TENM3: variants seen among roughly 807,000 people sequenced by gnomAD.
TENM3 encodes teneurin-3.
In TENM3, 63 loss-of-function variants were observed where a neutral mutation model predicts 255.1. The observed-to-expected ratio is 0.25, with a 90% CI of 0.20 to 0.30. TENM3 has a LOEUF of 0.30. Among genes scored for constraint, TENM3 ranks in the 10% least tolerant of loss-of-function variants. The probability of loss-of-function intolerance (pLI) is 1.00; values close to 1 mark genes in which losing one functional copy is unlikely to be tolerated. For synonymous variants in TENM3, 1,306 were observed against 1,322.3 expected, an observed-to-expected ratio of 0.99 and a Z score of 0.27; for missense variants, 2,929 against 3,461.1, an observed-to-expected ratio of 0.85 and a Z score of 3.86.
intron 12 of TENM3, among the ~76,000 whole-genome samples, chr4:182,700,063 G>A (rs1757731695): frequency 6.6e-6 from 1 of 152,180 alleles, no homozygotes; most frequent in African/African-American, 2.4e-5. Flanking sequence ...CAGCAAGGAA[G>A]AGAAAGATTC....
the TENM3 span, among the ~76,000 whole-genome samples, chr4:181,827,121 A>C: frequency 3.2e-4 from 49 of 152,248 alleles, no homozygotes; most frequent in Non-Finnish European, 6.3e-4. Flanking sequence ...AAAACAAACA[A>C]GGTCATGTAC....
At chr4:182,204,777 A>G (rs1754438641) in intron 1 of TENM3, among the ~76,000 whole-genome samples, 1 of 152,222 alleles carries the variant, frequency 6.6e-6, no homozygotes, top group Non-Finnish European at 1.5e-5. Flanking sequence ...ATGAAATGCA[A>G]ATTTAAAAAA....
At chr4:181,655,735 G>C in the TENM3 span, among the ~76,000 whole-genome samples, 102,467 of 151,984 alleles carry the variant, frequency 0.67, 35,473 homozygotes, top group East Asian at 0.83. Flanking sequence ...AGAACAAAAG[G>C]GAAAATGCAC....
At chr4:181,636,189 G>T in the TENM3 span, among the ~76,000 whole-genome samples, 1 of 152,072 alleles carries the variant, frequency 6.6e-6, no homozygotes, top group East Asian at 1.9e-4. Context: ...GGGACTACAG[G>T]TGCGTGCCAC....
intron 11 of TENM3, among the ~76,000 whole-genome samples, chr4:182,684,707 G>C (rs544351547): frequency 1.1e-4 from 16 of 152,266 alleles, no homozygotes; most frequent in Non-Finnish European, 2.2e-4. Context: ...GTATTCTAAA[G>C]GCTAATTGTA....
rs12507310 is a variant in TENM3 at position 182,654,086 on chromosome 4, T to C, written c.1111+193T>C. ...AAAATTCACATTTTTATTACAGGAA[T>C]AATATGATTTTCTGCCTTCTGATTT... On this transcript the variant is annotated intron_variant, in intron 6 of 27. Transcript: ENST00000511685. Among the ~76,000 whole-genome samples the C allele has an allele frequency of 5.7e-3, 869 of 152,320 alleles. 36 individuals carry two copies. Among genetic ancestry groups the C allele is most frequent in the Admixed American group, 0.048 (741 of 15,294 alleles).
chr4:182,678,882 T>C (rs1361356094), intron 7 of TENM3, among the ~76,000 whole-genome samples: 1 of 152,216 alleles, frequency 6.6e-6, no homozygotes, highest in African/African-American at 2.4e-5. Flanking sequence ...ATACTGCATG[T>C]TCTTGCTTAT....
the TENM3 span, among the ~76,000 whole-genome samples, chr4:181,505,322 A>G: frequency 6.6e-6 from 1 of 152,244 alleles, no homozygotes; most frequent in East Asian, 1.9e-4. Context: ...AGATAATTGC[A>G]AATATGTTTT....
chr4:182,306,273 C>T (rs1762129663), intron 1 of TENM3, among the ~76,000 whole-genome samples: 1 of 151,894 alleles, frequency 6.6e-6, no homozygotes, highest in Non-Finnish European at 1.5e-5. Flanking sequence ...AGCCTGCAAC[C>T]TTGACCTCCT....
In TENM3 at chr4:182,731,432, C is replaced by T. The variant is rs533946430; in HGVS notation, c.2967+293C>T. ...CTGAGGCAGGAGAATCGCTTGAACC[C>T]AGGAGGCAGAGGTTGCAGTGAGCCG... On this transcript the variant is annotated intron_variant, in intron 16 of 27. Coordinates refer to ENST00000511685, the MANE Select transcript of TENM3 (RefSeq NM_001080477.4). 2.9e-4 allele frequency among the ~76,000 whole-genome samples: 44 copies of T among 151,686 alleles called. 1 individual carries two copies. The highest frequency in any genetic ancestry group is 1.0e-3 in the African/African-American group (42 of 41,338).
chr4:182,619,636 TTCTTG>T (rs1736970887), intron 4 of TENM3, among the ~76,000 whole-genome samples: 2 of 144,500 alleles, frequency 1.4e-5, no homozygotes, highest in African/African-American at 4.9e-5. Flanking sequence ...AGTTCCACCG[TTCTTG>T]TCTTGTTGTT....
chr4:182,699,876 T>C (rs1757716799), intron 12 of TENM3, among the ~76,000 whole-genome samples: 1 of 152,074 alleles, frequency 6.6e-6, no homozygotes, highest in Admixed American at 6.5e-5. Context: ...AAACCGAGTA[T>C]ATTGGAGGTT....
chr4:182,487,724 G>A (rs769920507), intron 3 of TENM3, among the ~76,000 whole-genome samples: 3 of 152,140 alleles, frequency 2.0e-5, no homozygotes, highest in Non-Finnish European at 1.5e-5. Flanking sequence ...AGGAGTTGAT[G>A]CAGGTAACAT....
chr4:181,895,022 T>C, the TENM3 span, among the ~76,000 whole-genome samples: 8 of 152,026 alleles, frequency 5.3e-5, no homozygotes, highest in South Asian at 1.7e-3. Context: ...CAATCCGCCA[T>C]AGTTATTTAT....
intron 20 of TENM3, among the ~76,000 whole-genome samples, chr4:182,752,353 T>A (rs1482008389): frequency 6.6e-6 from 1 of 152,158 alleles, no homozygotes; most frequent in East Asian, 1.9e-4. Context: ...TTCAAGGAAG[T>A]ATCCAAATTC....
chr4:182,638,166 T>G (rs1040357611), intron 5 of TENM3, among the ~76,000 whole-genome samples: 1 of 152,142 alleles, frequency 6.6e-6, no homozygotes, highest in Non-Finnish European at 1.5e-5. Flanking sequence ...AAGAATCCCA[T>G]AGTCTCTTTC....
At chr4:181,553,750 G>T in the TENM3 span, among the ~76,000 whole-genome samples, 1 of 151,954 alleles carries the variant, frequency 6.6e-6, no homozygotes, top group Non-Finnish European at 1.5e-5. Flanking sequence ...CAATAGAAGG[G>T]TCTTTATTCC....
intron 13 of TENM3, among the ~76,000 whole-genome samples, chr4:182,720,100 T>G (rs1759592757): frequency 6.6e-6 from 1 of 151,644 alleles, no homozygotes; most frequent in Non-Finnish European, 1.5e-5. Context: ...CAATAAAAAG[T>G]AGGAATGTGC....
At chr4:182,418,871 GGTCTTAAGA>G (rs1370918791) in intron 3 of TENM3, among the ~76,000 whole-genome samples, 1 of 152,132 alleles carries the variant, frequency 6.6e-6, no homozygotes, top group Non-Finnish European at 1.5e-5. Flanking sequence ...CCAGGTCACA[GGTCTTAAGA>G]GTGGGATATG....
Sources: gnomAD v4.1 joint callset for allele counts (sites outside exome capture counted in the v4.1 genomes callset) on GRCh38, gnomAD v4.1.1 for gene constraint, MANE v1.5 for transcripts, NCBI Gene and HGNC (gene_info 2026-07-23, HGNC 2026-07-21) for gene names.